SPC25: variants seen among roughly 807,000 people sequenced by gnomAD.
SPC25 encodes the protein SPC25 component of NDC80 kinetochore complex, also known as kinetochore protein Spc25.
SPC25 carries 22 observed loss-of-function variants against 29.6 expected under a neutral mutation model. The observed-to-expected ratio is 0.74, with a 90% CI of 0.53 to 1.06. SPC25 has a LOEUF of 1.06. Ranked by LOEUF, SPC25 falls within the 50% of genes least tolerant of loss-of-function variation. SPC25 has a pLI of 0.00. For missense variants in SPC25, 230 were observed against 255.8 expected (o/e 0.90, Z 0.69); for synonymous variants, 91 against 90.4 (o/e 1.01, Z -0.04).
intron 3 of SPC25, among the ~76,000 whole-genome samples, chr2:168,887,965 A>G (rs1179162448): frequency 1.3e-5 from 2 of 152,222 alleles, no homozygotes; most frequent in African/African-American, 4.8e-5. Context: ...AGAGAATGCC[A>G]TTTATATAAC....
In SPC25 at chr2:168,889,070, C is replaced by T. The variant is rs543814304; in HGVS notation, c.199+156G>A. On this transcript the variant is annotated intron_variant, in intron 3 of 6. Coordinates refer to ENST00000282074, the MANE Select transcript of SPC25 (RefSeq NM_020675.4). ...ACACATATATATACATATATATATA[C>T]ACATATATATACATATATATACACA... 1.8e-4 allele frequency among the ~76,000 whole-genome samples: 11 copies of T among 61,868 alleles called. No homozygotes were observed. In the East Asian group the frequency reaches 2.7e-3, roughly 15 times the overall value. The allele number at this position is 61,868 out of a possible 152,430, so 40.6% of individuals were successfully genotyped here.
At chr2:168,864,801 C>T in intron 4 of SPC25, 3 of 1,612,450 alleles carry the variant, frequency 1.9e-6, no homozygotes, top group Non-Finnish European at 2.5e-6. Flanking sequence ...GTTCACATCA[C>T]AGAGACCCAT....
chr2:168,877,123 TG>T, intron 4 of SPC25, 114 bp downstream of exon 4: 1 of 1,109,176 alleles, frequency 9.0e-7, no homozygotes. Flanking sequence ...GGTTATGCCC[TG>T]GGGTACTGTA....
At chr2:168,877,097 G>T in intron 4 of SPC25, 141 bp downstream of exon 4, 2 of 784,478 alleles carry the variant, frequency 2.5e-6, no homozygotes, top group Non-Finnish European at 3.9e-6. Context: ...ATGACATCTT[G>T]CAGAGATGAG....
downstream of SPC25, among the ~76,000 whole-genome samples, chr2:168,866,616 A>C (rs1273821734): frequency 6.6e-6 from 1 of 152,052 alleles, no homozygotes; most frequent in Non-Finnish European, 1.5e-5. Context: ...CAAAAGCCAA[A>C]ATTGACAAAT....
intron 2 of SPC25, 38 bp from the exon 3 acceptor site, chr2:168,889,329 A>T (rs1249476250): frequency 1.3e-5 from 21 of 1,613,546 alleles, no homozygotes; most frequent in Non-Finnish European, 1.8e-5. Flanking sequence ...AGCTGCAATA[A>T]CACTAAAAAA....
At chr2:168,870,792 G>C (rs553996792), downstream of SPC25, 3 of 151,598 alleles carry the variant, frequency 2.0e-5, no homozygotes, top group East Asian at 5.8e-4. Flanking sequence ...TGTGGAAGTT[G>C]GTGTGGCGAT....
intron 4 of SPC25, among the ~76,000 whole-genome samples, chr2:168,876,573 C>T (rs1690090239): frequency 6.7e-6 from 1 of 148,266 alleles, no homozygotes; most frequent in African/African-American, 2.5e-5. Context: ...GAGAGGTCAG[C>T]CTTATTTCAT....
At chr2:168,862,595 C>T (rs937410619) in intron 4 of SPC25, among the ~76,000 whole-genome samples, 11 of 152,204 alleles carry the variant, frequency 7.2e-5, no homozygotes, top group African/African-American at 2.7e-4. Context: ...CAGCTTAGTG[C>T]TGGTCTCACT....
chr2:168,889,082 CATATATATACACATATATATAT>C (rs1690344552), intron 3 of SPC25, 122 bp downstream of exon 3: 14 of 147,002 alleles, frequency 9.5e-5, no homozygotes, highest in South Asian at 3.6e-4. Context: ...CATATATATA[CATATATATACACATATATATAT>C]ACACACACAC....
chr2:168,881,564 G>A (rs1482245688), intron 3 of SPC25, among the ~76,000 whole-genome samples: 1 of 152,166 alleles, frequency 6.6e-6, no homozygotes, highest in Non-Finnish European at 1.5e-5. Flanking sequence ...GGTCAAATAA[G>A]CAGAGCCAGT....
At chr2:168,873,078 G>C (rs6739984) in intron 6 of SPC25, among the ~76,000 whole-genome samples, 4,543 of 152,042 alleles carry the variant, frequency 0.03, 222 homozygotes, top group African/African-American at 0.096. Flanking sequence ...TAAATCAAAG[G>C]CCTTTTGGCC....
At chr2:168,864,735 G>C (rs1689746076) in intron 4 of SPC25, 2 of 1,401,950 alleles carry the variant, frequency 1.4e-6, no homozygotes, top group Non-Finnish European at 2.0e-6. Flanking sequence ...ACACTACCAA[G>C]TAAATCCTTG....
chr2:168,888,751 G>A (rs552762565), intron 3 of SPC25, among the ~76,000 whole-genome samples: 12 of 149,792 alleles, frequency 8.0e-5, no homozygotes, highest in African/African-American at 2.4e-4. Flanking sequence ...GTGTGTATGT[G>A]TCTATATATA....
At chr2:168,869,005 A>C (rs2105818511), downstream of SPC25, among the ~76,000 whole-genome samples, 2 of 152,336 alleles carry the variant, frequency 1.3e-5, no homozygotes, top group South Asian at 2.1e-4. Context: ...AAGCTTATCC[A>C]CCATGATCAA....
chr2:168,887,435 G>GAAAGAAAGAAAAT (rs1690289215), intron 3 of SPC25, among the ~76,000 whole-genome samples: 1 of 142,640 alleles, frequency 7.0e-6, no homozygotes, highest in African/African-American at 2.8e-5. Flanking sequence ...AAAAAAAAAA[G>GAAAGAAAGAAAAT]AAAGAAAGAA....
At chr2:168,889,084 T>TATATATACACATATATATAC (rs1690344779) in intron 3 of SPC25, 142 bp downstream of exon 3, 2 of 126,838 alleles carry the variant, frequency 1.6e-5, no homozygotes, top group African/African-American at 9.2e-5. Context: ...TATATATACA[T>TATATATACACATATATATAC]ATATATACAC....
At chr2:168,875,088 C>T (rs1690062440) in intron 5 of SPC25, among the ~76,000 whole-genome samples, 1 of 152,142 alleles carries the variant, frequency 6.6e-6, no homozygotes, top group African/African-American at 2.4e-5. Context: ...ACTAATTCCT[C>T]TCTGGGAAAC....
intron 4 of SPC25, among the ~76,000 whole-genome samples, chr2:168,863,006 C>CTT (rs1271616312): frequency 1.9e-5 from 2 of 105,866 alleles, no homozygotes; most frequent in Admixed American, 2.0e-4. Context: ...CAGGCAATTA[C>CTT]TTTTCTTCCT....
Sources: gnomAD v4.1 joint callset for allele counts (sites outside exome capture counted in the v4.1 genomes callset) on GRCh38, gnomAD v4.1.1 for gene constraint, MANE v1.5 for transcripts, NCBI Gene and HGNC (gene_info 2026-07-23, HGNC 2026-07-21) for gene names.